The following POU6F2 variants were observed in gnomAD, a reference collection of about 807,000 sequenced individuals.
POU6F2 encodes POU class 6 homeobox 2.
In POU6F2, 31 loss-of-function variants were observed where a neutral mutation model predicts 71.3. That is an observed-to-expected ratio of 0.43 (90% CI 0.33 to 0.59). The LOEUF (loss-of-function observed/expected upper bound fraction) is 0.59. POU6F2 is among the 20% of genes least tolerant of loss of function. The pLI is 0.04. For synonymous variants in POU6F2, 347 were observed against 355.7 expected, an observed-to-expected ratio of 0.98 and a Z score of 0.27; for missense variants, 783 against 856.8, an observed-to-expected ratio of 0.91 and a Z score of 1.07.
intron 4 of POU6F2, among the ~76,000 whole-genome samples, chr7:39,223,386 A>C (rs1415874602): frequency 6.6e-6 from 1 of 152,198 alleles, no homozygotes; most frequent in East Asian, 1.9e-4. Context: ...ATGCAGGTGG[A>C]TACTCACGTG....
At chr7:38,989,902 A>T (rs1020226778) in intron 1 of POU6F2, among the ~76,000 whole-genome samples, 12 of 151,722 alleles carry the variant, frequency 7.9e-5, no homozygotes, top group African/African-American at 2.9e-4. Flanking sequence ...CATATCTTTA[A>T]AATGCTGATG....
intron 2 of POU6F2, among the ~76,000 whole-genome samples, chr7:39,088,020 G>T (rs1791290127): frequency 6.6e-6 from 1 of 152,160 alleles, no homozygotes; most frequent in South Asian, 2.1e-4. Context: ...ATTTTAGAAG[G>T]AATCCACTTT....
intron 1 of POU6F2, among the ~76,000 whole-genome samples, chr7:39,013,988 T>C (rs1789403516): frequency 6.6e-6 from 1 of 152,206 alleles, no homozygotes; most frequent in Non-Finnish European, 1.5e-5. Flanking sequence ...TTCAGAGGAA[T>C]GAGAGAGTCC....
At chr7:39,108,840 T>G (rs1791747154) in intron 2 of POU6F2, among the ~76,000 whole-genome samples, 1 of 152,208 alleles carries the variant, frequency 6.6e-6, no homozygotes, top group Non-Finnish European at 1.5e-5. Flanking sequence ...ACTCTTGAGA[T>G]GTTTTTAGGT....
intron 5 of POU6F2, among the ~76,000 whole-genome samples, chr7:39,360,879 C>T (rs1310697830): frequency 6.6e-6 from 1 of 152,140 alleles, no homozygotes; most frequent in African/African-American, 2.4e-5. Context: ...AACCAGAGGT[C>T]ATTCTCATGG....
intron 2 of POU6F2, among the ~76,000 whole-genome samples, chr7:39,202,307 C>A (rs955772264): frequency 6.6e-6 from 1 of 152,118 alleles, no homozygotes; most frequent in Non-Finnish European, 1.5e-5. Context: ...GACAGAAGGG[C>A]TTGGCATGGT....
chr7:39,070,127 C>G (rs1294966641), intron 1 of POU6F2, among the ~76,000 whole-genome samples: 2 of 152,126 alleles, frequency 1.3e-5, no homozygotes, highest in Non-Finnish European at 2.9e-5. Context: ...AGTACTGGTT[C>G]TGCAAAGGCA....
At position 39,451,718 on chromosome 7, in the gene POU6F2, G is replaced by A. The variant is rs760008749; in HGVS notation, c.1489+17G>A. The A allele has an allele frequency of 6.4e-7, 1 of 1,562,620 alleles. No homozygotes were observed. The highest frequency in any genetic ancestry group is 1.2e-5 in the South Asian group (1 of 84,984). The stretch of plus-strand genomic sequence containing the variant: ...TAGTCAGCAGTAAGTATCCTTTCTG[G>A]CTCGGTTTAAATCGTGGTGGCCTTC... On this transcript the variant is annotated intron_variant, in intron 8 of 9. Transcript: ENST00000518318.
chr7:39,183,345 G>A, intron 2 of POU6F2, among the ~76,000 whole-genome samples: 1 of 152,138 alleles, frequency 6.6e-6, no homozygotes, highest in East Asian at 1.9e-4. Context: ...CAGTTCCACA[G>A]ACTACAAAGG....
chr7:39,352,953 A>T (rs1786167523), intron 5 of POU6F2, among the ~76,000 whole-genome samples: 1 of 152,116 alleles, frequency 6.6e-6, no homozygotes, highest in Middle Eastern at 3.2e-3. Flanking sequence ...CCCATCTTTT[A>T]TGTCCCTGTG....
intron 2 of POU6F2, among the ~76,000 whole-genome samples, chr7:39,198,438 C>A (rs1302509829): frequency 1.3e-5 from 2 of 152,178 alleles, no homozygotes; most frequent in Non-Finnish European, 2.9e-5. Flanking sequence ...CCACTTAGGA[C>A]CTAGACCCCT....
intron 4 of POU6F2, among the ~76,000 whole-genome samples, chr7:39,318,725 G>C (rs1388658722): frequency 2.7e-4 from 41 of 152,188 alleles, no homozygotes; most frequent in Non-Finnish European, 5.9e-5. Flanking sequence ...CATTAGGGCT[G>C]GTTCTTCCCT....
chr7:39,201,585 G>A (rs1473655960), intron 2 of POU6F2, among the ~76,000 whole-genome samples: 1 of 152,204 alleles, frequency 6.6e-6, no homozygotes, highest in Non-Finnish European at 1.5e-5. Flanking sequence ...TGCCTCAAAA[G>A]CATAGGCTGC....
chr7:39,033,874 AT>A (rs1790003546), intron 1 of POU6F2, among the ~76,000 whole-genome samples: 1 of 152,110 alleles, frequency 6.6e-6, no homozygotes, highest in African/African-American at 2.4e-5. Flanking sequence ...TGTAAACAGC[AT>A]TTTTCAGATG....
At chr7:39,265,090 A>G (rs1784214494) in intron 4 of POU6F2, among the ~76,000 whole-genome samples, 1 of 152,094 alleles carries the variant, frequency 6.6e-6, no homozygotes. Context: ...CAGAATGTAT[A>G]CCTCAGGCAG....
intron 4 of POU6F2, among the ~76,000 whole-genome samples, chr7:39,323,111 T>TAAAAAA (rs35837057): frequency 1.4e-5 from 2 of 141,916 alleles, no homozygotes; most frequent in Non-Finnish European, 3.1e-5. Context: ...CAGGAAGATT[T>TAAAAAA]AAAAAAAAAA....
chr7:39,214,640 G>T (rs1794204796), intron 4 of POU6F2, among the ~76,000 whole-genome samples: 1 of 152,188 alleles, frequency 6.6e-6, no homozygotes, highest in African/African-American at 2.4e-5. Context: ...CAATAAAGTG[G>T]CCCAAGAACA....
intron 2 of POU6F2, among the ~76,000 whole-genome samples, chr7:39,202,484 A>G (rs4720315): frequency 0.38 from 57,232 of 152,070 alleles, 11,090 homozygotes; most frequent in South Asian, 0.49. Flanking sequence ...ATTTTTAGCC[A>G]TTTGAGAATT....
chr7:39,246,654 C>T (rs911888683), intron 4 of POU6F2, among the ~76,000 whole-genome samples: 7 of 152,122 alleles, frequency 4.6e-5, no homozygotes, highest in African/African-American at 1.4e-4. Flanking sequence ...GAGCTAATTC[C>T]TCTCAATGGT....
Sources: gnomAD v4.1 joint callset for allele counts (sites outside exome capture counted in the v4.1 genomes callset) on GRCh38, gnomAD v4.1.1 for gene constraint, MANE v1.5 for transcripts, NCBI Gene and HGNC (gene_info 2026-07-23, HGNC 2026-07-21) for gene names.